Variants in FRMPD4 observed in about 807,000 individuals in gnomAD.
The protein encoded by FRMPD4 is FERM and PDZ domain containing 4.
FRMPD4 carries 22 observed loss-of-function variants against 94.1 expected under a neutral mutation model. The ratio of observed to expected loss-of-function variants is 0.23; its 90% CI spans 0.17 to 0.33. The LOEUF is 0.33. Ranked by LOEUF, FRMPD4 falls within the 10% of genes least tolerant of loss-of-function variation. The pLI, the probability that FRMPD4 is intolerant of heterozygous loss-of-function variation, is 1.00. For synonymous variants in FRMPD4, 631 were observed against 548.6 expected (o/e 1.15, Z -2.10); for missense variants, 1,111 against 1,339.9 (o/e 0.83, Z 2.67).
chrX:12,683,909 G>A (rs575735214), intron 6 of FRMPD4, among the ~76,000 whole-genome samples: 9 of 112,232 alleles, frequency 8.0e-5, no homozygotes, highest in South Asian at 7.4e-4. Context: ...TAAAATATGC[G>A]TCTTTGAAAC....
rs2058818934 is a variant in FRMPD4, at chrX:12,577,093, G to A, written c.159-32628G>A. Reference sequence around the variant, plus strand: ...CAGTAGCAAAAGCCTCATATATAGTGGGGGCTCAGTAAATGTTTATTAGTT... The same window carrying A: ...CAGTAGCAAAAGCCTCATATATAGTAGGGGCTCAGTAAATGTTTATTAGTT... On this transcript the variant is annotated intron_variant, in intron 2 of 16. Transcript: ENST00000675598. 2.7e-5 allele frequency among the ~76,000 whole-genome samples: 3 copies of A among 111,961 alleles called. No homozygotes were observed. In the South Asian group the frequency reaches 1.1e-3, roughly 42 times the overall value.
intron 1 of FRMPD4, among the ~76,000 whole-genome samples, chrX:12,312,726 T>C (rs2055055092): frequency 8.9e-6 from 1 of 112,021 alleles, no homozygotes; most frequent in Middle Eastern, 4.6e-3. Context: ...GACAGCATCC[T>C]AAGGTCCTTG....
At chrX:12,593,485 G>C (rs1423406986) in intron 2 of FRMPD4, among the ~76,000 whole-genome samples, 3 of 111,188 alleles carry the variant, frequency 2.7e-5, no homozygotes, top group Non-Finnish European at 5.7e-5. Flanking sequence ...TTCAGCTCAG[G>C]GACTTTTCAG....
chrX:12,576,854 G>A (rs963577140), intron 2 of FRMPD4, among the ~76,000 whole-genome samples: 1 of 111,990 alleles, frequency 8.9e-6, no homozygotes, highest in African/African-American at 3.2e-5. Flanking sequence ...TCTCTCTGCC[G>A]TAGGGAAAGG....
chrX:12,276,844 G>A (rs945779696), intron 1 of FRMPD4, among the ~76,000 whole-genome samples: 6 of 111,585 alleles, frequency 5.4e-5, no homozygotes, highest in Non-Finnish European at 1.1e-4. Flanking sequence ...AATTTTGGCC[G>A]GGCGCGGTGG....
chrX:12,322,070 A>G (rs948081895), intron 1 of FRMPD4, among the ~76,000 whole-genome samples: 1 of 111,821 alleles, frequency 8.9e-6, no homozygotes, highest in Middle Eastern at 4.7e-3. Flanking sequence ...GGGGTCTGCT[A>G]GCAAACTTGC....
At chrX:12,368,794 G>A (rs1239719459) in intron 1 of FRMPD4, among the ~76,000 whole-genome samples, 1 of 111,271 alleles carries the variant, frequency 9.0e-6, no homozygotes, top group Non-Finnish European at 1.9e-5. Context: ...CATGAGAATC[G>A]CTTGAACCTG....
At chrX:12,617,197 T>C (rs1019733988) in intron 4 of FRMPD4, among the ~76,000 whole-genome samples, 1 of 112,524 alleles carries the variant, frequency 8.9e-6, no homozygotes, top group Non-Finnish European at 1.9e-5. Context: ...CGTGTTTTTG[T>C]AAAGTCCATC....
chrX:12,597,089 G>A, intron 2 of FRMPD4, among the ~76,000 whole-genome samples: 1 of 112,073 alleles, frequency 8.9e-6, no homozygotes, highest in Non-Finnish European at 1.9e-5. Context: ...ACCCATGGGT[G>A]TGACTTGATT....
chrX:12,134,887 T>C (rs774811259), upstream of FRMPD4, among the ~76,000 whole-genome samples: 5 of 112,455 alleles, frequency 4.4e-5, no homozygotes, highest in African/African-American at 9.7e-5. Context: ...AACTCATATG[T>C]AGCCAACTGT....
At chrX:12,582,177 T>C (rs2058872941) in intron 2 of FRMPD4, among the ~76,000 whole-genome samples, 3 of 112,563 alleles carry the variant, frequency 2.7e-5, no homozygotes, top group Admixed American at 1.9e-4. Flanking sequence ...TAATCATGAA[T>C]TAATTGCCAT....
rs967124509 is a variant in FRMPD4 at position 11,901,306 on chromosome X, C to A, written c.95+23288C>A. ...CCATTATATCATTCTTATGCCTTTG[C>A]ATCCTCATAGCCTAGCTCCCACTTA... On this transcript the variant is annotated intron_variant, in intron 3 of 18. Transcript: ENST00000640291. Among the ~76,000 whole-genome samples, 3 of 112,008 alleles carry A rather than the reference C, an allele frequency of 2.7e-5. No homozygotes were observed. In the Admixed American group the frequency reaches 2.8e-4, roughly 11 times the overall value.
At chrX:12,713,621 T>G (rs1760335662) in intron 14 of FRMPD4, among the ~76,000 whole-genome samples, 1 of 111,132 alleles carries the variant, frequency 9.0e-6, no homozygotes, top group Non-Finnish European at 1.9e-5. Context: ...AGTACTCTCT[T>G]CTCTTCAGAA....
chrX:12,683,496 C>T lies in FRMPD4; in HGVS notation c.482C>T (p.Ala161Val). 8.9e-7 allele frequency: 1 copy of T among 1,128,035 alleles called. No individual in the cohort carries two copies. The highest frequency in any genetic ancestry group is 1.2e-6 in the Non-Finnish European group (1 of 820,940). 93.0% of individuals were successfully genotyped at this position (1,128,035 alleles called of 1,213,427 possible). Residue 161 changes from alanine (A) to valine (V), a missense_variant, in exon 6 of 17, where the codon GCA (alanine) becomes GTA (valine). Around this residue, in one of 8 missense-constraint regions of FRMPD4, gnomAD observed 140 missense variants for 165.9 expected, o/e 0.84. Coordinates refer to ENST00000675598, the MANE Select transcript of FRMPD4 (RefSeq NM_001368397.1). ...VIQPYPSPKS[A>V]FISAAKKARL... Reference sequence around the variant, plus strand: ...CTTTTCTTCTAGTCTCCCAAATCAGCATTTATTAGTGCTGCAAAAAAGGCA... The same window carrying T: ...CTTTTCTTCTAGTCTCCCAAATCAGTATTTATTAGTGCTGCAAAAAAGGCA...
intron 2 of FRMPD4, among the ~76,000 whole-genome samples, chrX:12,589,550 A>T (rs974839941): frequency 3.3e-4 from 37 of 111,808 alleles, no homozygotes; most frequent in African/African-American, 1.0e-3. Flanking sequence ...TATTATCTAT[A>T]AACACCTAAA....
intron 3 of FRMPD4, among the ~76,000 whole-genome samples, chrX:12,079,805 G>A (rs776281592): frequency 1.8e-5 from 2 of 112,159 alleles, no homozygotes; most frequent in African/African-American, 3.2e-5. Context: ...TATTGGCAGC[G>A]TTAACTGAAA....
chrX:12,093,804 G>T (rs1428074248), intron 3 of FRMPD4, among the ~76,000 whole-genome samples: 1 of 109,978 alleles, frequency 9.1e-6, no homozygotes, highest in Non-Finnish European at 1.9e-5. Flanking sequence ...CTTGAATTCT[G>T]TGCTGGGGCT....
In FRMPD4 at chrX:12,144,008, A is replaced by G. The variant is rs148445818; in HGVS notation, c.41+4996A>G. ...TCCATAAATATCCAGTTCAAAATGTATGGAAAAAGAATGGGTGATACTACT... is the reference window on the plus strand; with the variant it reads ...TCCATAAATATCCAGTTCAAAATGTGTGGAAAAAGAATGGGTGATACTACT... On this transcript the variant is annotated intron_variant, in intron 1 of 16. Transcript: ENST00000675598. Among the ~76,000 whole-genome samples, 451 of 112,027 alleles carry G rather than the reference A, an allele frequency of 4.0e-3. 4 individuals are homozygous for G. The highest frequency in any genetic ancestry group is 0.014 in the Middle Eastern group (3 of 218).
intron 1 of FRMPD4, among the ~76,000 whole-genome samples, chrX:12,350,788 T>G (rs773915316): frequency 8.9e-6 from 1 of 112,188 alleles, no homozygotes; most frequent in East Asian, 2.8e-4. Flanking sequence ...ATTAAACCCT[T>G]GAAAGAAGGT....
Sources: gnomAD v4.1 joint callset for allele counts (sites outside exome capture counted in the v4.1 genomes callset) on GRCh38, gnomAD v4.1.1 for gene constraint, gnomAD v4.1.1 regional missense constraint, MANE v1.5 for transcripts, NCBI Gene and HGNC (gene_info 2026-07-23, HGNC 2026-07-21) for gene names.